SLC24A2: variants seen among roughly 807,000 people sequenced by gnomAD.
SLC24A2 encodes sodium/potassium/calcium exchanger 2.
In SLC24A2, 36 loss-of-function variants were observed where a neutral mutation model predicts 62.0. The ratio of observed to expected loss-of-function variants is 0.58; its 90% CI spans 0.44 to 0.77. The LOEUF (loss-of-function observed/expected upper bound fraction) is 0.77, where lower values mean the gene tolerates loss of function less well. Ranked by LOEUF, SLC24A2 falls within the 30% of genes least tolerant of loss-of-function variation. The pLI, the probability that SLC24A2 is intolerant of heterozygous loss-of-function variation, is 0.00. For missense variants in SLC24A2, 846 were observed against 817.9 expected (o/e 1.03, Z -0.42); for synonymous variants, 358 against 294.0 (o/e 1.22, Z -2.23).
At chr9:20,218,649 G>T in the SLC24A2 span, among the ~76,000 whole-genome samples, 5 of 152,152 alleles carry the variant, frequency 3.3e-5, no homozygotes, top group Non-Finnish European at 7.3e-5. Context: ...TTCTGATGTT[G>T]AATATGGTAG....
the SLC24A2 span, among the ~76,000 whole-genome samples, chr9:20,073,125 A>T: frequency 6.6e-6 from 1 of 152,194 alleles, no homozygotes; most frequent in Non-Finnish European, 1.5e-5. Flanking sequence ...ATTCAGGCAC[A>T]AGTTAGCAGG....
chr9:19,925,928 C>A, the SLC24A2 span, among the ~76,000 whole-genome samples: 1 of 152,180 alleles, frequency 6.6e-6, no homozygotes, highest in Non-Finnish European at 1.5e-5. Context: ...TCCAAGCCAA[C>A]CTCCATTAAC....
At chr9:19,752,857 A>G (rs1411907265) in intron 2 of SLC24A2, among the ~76,000 whole-genome samples, 2 of 152,210 alleles carry the variant, frequency 1.3e-5, no homozygotes, top group African/African-American at 4.8e-5. Context: ...GGTATAGATA[A>G]TAAGTGGCCA....
At chr9:20,085,992 C>T in the SLC24A2 span, among the ~76,000 whole-genome samples, 1 of 152,040 alleles carries the variant, frequency 6.6e-6, no homozygotes, top group African/African-American at 2.4e-5. Context: ...GATTTTCTGC[C>T]CAGAAAGATC....
chr9:19,929,845 C>A, the SLC24A2 span: 8 of 152,206 alleles, frequency 5.3e-5, no homozygotes, highest in Middle Eastern at 3.4e-3. Flanking sequence ...ATGCTCCTGA[C>A]CCTGTGTAGG....
chr9:19,668,070 G>A (rs1483725729), intron 2 of SLC24A2, among the ~76,000 whole-genome samples: 1 of 152,098 alleles, frequency 6.6e-6, no homozygotes, highest in African/African-American at 2.4e-5. Flanking sequence ...TGGATGTGGA[G>A]GCTCTTTCTA....
At chr9:19,927,643 C>G in the SLC24A2 span, 1 of 152,200 alleles carries the variant, frequency 6.6e-6, no homozygotes, top group Non-Finnish European at 1.5e-5. Flanking sequence ...CCCCCACGTA[C>G]TTGGGATAAA....
At chr9:19,676,884 C>T (rs541791398) in intron 2 of SLC24A2, among the ~76,000 whole-genome samples, 27 of 152,020 alleles carry the variant, frequency 1.8e-4, no homozygotes, top group Admixed American at 1.5e-3. Context: ...AAAGAGATAC[C>T]ATCTCACACC....
chr9:19,550,613 C>T (rs1273679516), intron 7 of SLC24A2, among the ~76,000 whole-genome samples: 1 of 152,124 alleles, frequency 6.6e-6, no homozygotes, highest in African/African-American at 2.4e-5. Flanking sequence ...TGATGACCAC[C>T]ATCTCCCCAT....
the SLC24A2 span, among the ~76,000 whole-genome samples, chr9:20,072,743 C>T: frequency 6.6e-5 from 10 of 151,726 alleles, no homozygotes; most frequent in African/African-American, 2.4e-4. Context: ...TAGAGTCCCA[C>T]CCTTTGAAGA....
intron 2 of SLC24A2, among the ~76,000 whole-genome samples, chr9:19,731,872 C>T (rs1455556990): frequency 6.6e-6 from 1 of 152,202 alleles, no homozygotes; most frequent in Non-Finnish European, 1.5e-5. Flanking sequence ...ACTGTGTTCT[C>T]ACTTTGCCTG....
At chr9:20,062,909 C>T in the SLC24A2 span, among the ~76,000 whole-genome samples, 1 of 118,276 alleles carries the variant, frequency 8.5e-6, no homozygotes, top group Non-Finnish European at 1.7e-5. Context: ...CATCACTGGC[C>T]ATCAGAGAAA....
chr9:19,797,205 C>A, the SLC24A2 span, among the ~76,000 whole-genome samples: 1 of 152,046 alleles, frequency 6.6e-6, no homozygotes, highest in Non-Finnish European at 1.5e-5. Context: ...GAGGTATAAA[C>A]TTTATTTGGT....
At chr9:20,273,003 C>T in the SLC24A2 span, among the ~76,000 whole-genome samples, 2 of 152,212 alleles carry the variant, frequency 1.3e-5, no homozygotes, top group African/African-American at 2.4e-5. Flanking sequence ...CACATGCCCA[C>T]ATCCTGGCTG....
chr9:20,182,554 A>T, the SLC24A2 span, among the ~76,000 whole-genome samples: 6 of 152,222 alleles, frequency 3.9e-5, no homozygotes, highest in Non-Finnish European at 8.8e-5. Context: ...CAAACACTGC[A>T]TGTTATCACC....
At chr9:19,546,025 A>T (rs573377806) in intron 8 of SLC24A2, among the ~76,000 whole-genome samples, 1 of 152,332 alleles carries the variant, frequency 6.6e-6, no homozygotes, top group African/African-American at 2.4e-5. Context: ...GGATATCACC[A>T]GAGGAGGCTG....
At chr9:20,165,168 G>A in the SLC24A2 span, among the ~76,000 whole-genome samples, 3 of 151,528 alleles carry the variant, frequency 2.0e-5, no homozygotes, top group Non-Finnish European at 3.0e-5. Flanking sequence ...AAAATAACAC[G>A]GAAAAGCCTA....
chr9:20,156,995 G>A, the SLC24A2 span, among the ~76,000 whole-genome samples: 8 of 151,592 alleles, frequency 5.3e-5, no homozygotes, highest in East Asian at 1.9e-4. Flanking sequence ...AGACTAGAAC[G>A]TTTACTAAAG....
the SLC24A2 span, among the ~76,000 whole-genome samples, chr9:19,913,125 T>C: frequency 7.2e-5 from 11 of 152,066 alleles, no homozygotes; most frequent in Non-Finnish European, 1.6e-4. Context: ...TTTTACATAC[T>C]CTTCCCAGGT....
Sources: allele counts gnomAD v4.1 joint callset (sites outside exome capture counted in the v4.1 genomes callset), GRCh38; gene constraint gnomAD v4.1.1; transcripts MANE v1.5; gene names NCBI Gene and HGNC (gene_info 2026-07-23, HGNC 2026-07-21).